PRKCB: variants seen among roughly 807,000 people sequenced by gnomAD.
PRKCB encodes protein kinase C beta type.
PRKCB carries 13 observed loss-of-function variants against 81.5 expected under a neutral mutation model. That is an observed-to-expected ratio of 0.16 (90% CI 0.10 to 0.25). The LOEUF is 0.25. PRKCB is among the 10% of genes least tolerant of loss of function. PRKCB has a pLI of 1.00. For synonymous variants in PRKCB, 335 were observed against 321.4 expected, an observed-to-expected ratio of 1.04 and a Z score of -0.45; for missense variants, 509 against 875.7, an observed-to-expected ratio of 0.58 and a Z score of 5.29.
chr16:23,935,942 T>C (rs1210469381), intron 2 of PRKCB, among the ~76,000 whole-genome samples: 7 of 152,228 alleles, frequency 4.6e-5, no homozygotes, highest in Non-Finnish European at 2.9e-5. Flanking sequence ...TGACGGGATC[T>C]GTACACCAAA....
intron 15 of PRKCB, among the ~76,000 whole-genome samples, chr16:24,186,983 A>G (rs143129459): frequency 2.0e-5 from 3 of 152,184 alleles, no homozygotes; most frequent in African/African-American, 4.8e-5. Context: ...CCAGAGGTGC[A>G]TTAGGAACCC....
intron 3 of PRKCB, among the ~76,000 whole-genome samples, chr16:24,009,199 T>C (rs1253708155): frequency 1.3e-5 from 2 of 152,234 alleles, no homozygotes; most frequent in Non-Finnish European, 2.9e-5. Flanking sequence ...TTCAATTCTT[T>C]TGGGTAAATA....
intron 5 of PRKCB, among the ~76,000 whole-genome samples, chr16:24,087,973 C>T (rs993860869): frequency 1.3e-5 from 2 of 152,202 alleles, no homozygotes; most frequent in Non-Finnish European, 2.9e-5. Context: ...CCAGTGGGGA[C>T]GTTTGCTATT....
chr16:23,924,046 T>A (rs137975122), intron 2 of PRKCB, among the ~76,000 whole-genome samples: 6,200 of 152,130 alleles, frequency 0.041, 229 homozygotes, highest in Admixed American at 0.077. Context: ...CCAAATCTCA[T>A]CTTGAATTGT....
intron 2 of PRKCB, chr16:23,892,896 C>T (rs984933222): frequency 1.3e-5 from 2 of 152,034 alleles, no homozygotes; most frequent in African/African-American, 4.8e-5. Context: ...TCCACGATAC[C>T]ATGTGATTGG....
intron 9 of PRKCB, among the ~76,000 whole-genome samples, chr16:24,128,429 G>T (rs916475158): frequency 2.0e-5 from 3 of 152,340 alleles, no homozygotes; most frequent in Admixed American, 2.0e-4. Flanking sequence ...ACTAGGGAAT[G>T]GCACAAGCCT....
chr16:24,121,014 C>G (rs529194163), intron 8 of PRKCB, among the ~76,000 whole-genome samples: 1 of 152,300 alleles, frequency 6.6e-6, no homozygotes, highest in Non-Finnish European at 1.5e-5. Flanking sequence ...ATACCATAGC[C>G]CTGCTTCAAA....
At chr16:23,852,323 G>T (rs1962486383) in intron 2 of PRKCB, among the ~76,000 whole-genome samples, 1 of 152,144 alleles carries the variant, frequency 6.6e-6, no homozygotes, top group Non-Finnish European at 1.5e-5. Context: ...TTTCATGAAA[G>T]AATGTTAATT....
chr16:23,943,957 T>C lies in PRKCB; in HGVS notation c.206-44551T>C, dbSNP rs887352051. On this transcript the variant is annotated intron_variant, in intron 2 of 16. Transcript: ENST00000643927. ...TGCCTCGCGTGCTCCTGGCATTTTG[T>C]AGAGAGGTAAGGACTTGGTTCCTTA... Among the ~76,000 whole-genome samples the C allele has an allele frequency of 1.3e-5, 2 of 152,212 alleles. 1 individual carries two copies. Among genetic ancestry groups the C allele is most frequent in the Middle Eastern group, 6.3e-3 (2 of 316 alleles).
At chr16:23,964,828 C>A (rs1260447193) in intron 2 of PRKCB, among the ~76,000 whole-genome samples, 1 of 152,076 alleles carries the variant, frequency 6.6e-6, no homozygotes, top group African/African-American at 2.4e-5. Context: ...TGCCCCCTCT[C>A]CCCGCTAATT....
At chr16:24,194,394 C>CAAAAAAAAAAAAAAAAAAAAAAAAAAA (rs1384880007) in intron 16 of PRKCB, among the ~76,000 whole-genome samples, 1 of 151,918 alleles carries the variant, frequency 6.6e-6, no homozygotes, top group African/African-American at 2.4e-5. Flanking sequence ...TTTTATATAT[C>CAAAAAAAAAAAAAAAAAAAAAAAAAAA]AGAACAAATT....
intron 15 of PRKCB, among the ~76,000 whole-genome samples, chr16:24,186,206 G>A (rs1440101557): frequency 6.6e-6 from 1 of 152,146 alleles, no homozygotes; most frequent in Admixed American, 6.5e-5. Context: ...TGCATCTTGT[G>A]TTGGACCAGG....
chr16:24,118,009 AT>A (rs1232012240), intron 8 of PRKCB, among the ~76,000 whole-genome samples: 1 of 152,262 alleles, frequency 6.6e-6, no homozygotes, highest in African/African-American at 2.4e-5. Flanking sequence ...CAGGCAAAGA[AT>A]CACAGGTGTT....
At chr16:24,059,881 G>A (rs776665074) in intron 5 of PRKCB, among the ~76,000 whole-genome samples, 5 of 152,194 alleles carry the variant, frequency 3.3e-5, no homozygotes, top group Non-Finnish European at 7.3e-5. Flanking sequence ...GACTTGGGAA[G>A]TGCTCTTTCA....
At chr16:23,920,531 T>C (rs930798607) in intron 2 of PRKCB, among the ~76,000 whole-genome samples, 4 of 152,242 alleles carry the variant, frequency 2.6e-5, no homozygotes, top group Non-Finnish European at 5.9e-5. Flanking sequence ...TCTTCCTTTT[T>C]TGACACTAAT....
At chr16:24,183,950 A>C (rs936014538) in intron 13 of PRKCB, among the ~76,000 whole-genome samples, 1 of 152,208 alleles carries the variant, frequency 6.6e-6, no homozygotes, top group East Asian at 1.9e-4. Flanking sequence ...CATATATACC[A>C]TATGATACAC....
At chr16:23,894,511 C>T (rs1347397746) in intron 2 of PRKCB, among the ~76,000 whole-genome samples, 1 of 151,980 alleles carries the variant, frequency 6.6e-6, no homozygotes, top group Non-Finnish European at 1.5e-5. Flanking sequence ...TTTAATTTCC[C>T]CCCAGAAAAT....
chr16:24,142,076 C>T (rs1966910011), intron 9 of PRKCB, among the ~76,000 whole-genome samples: 3 of 152,166 alleles, frequency 2.0e-5, no homozygotes, highest in South Asian at 2.1e-4. Context: ...TCACAACAAC[C>T]TTCTGAGGGA....
chr16:24,060,596 CGGCTTCA>C (rs954404465), intron 5 of PRKCB, among the ~76,000 whole-genome samples: 12 of 152,354 alleles, frequency 7.9e-5, no homozygotes, highest in African/African-American at 2.9e-4. Context: ...TGACCACTCA[CGGCTTCA>C]GTATTTCCGT....
Sources: allele counts gnomAD v4.1 joint callset (sites outside exome capture counted in the v4.1 genomes callset), GRCh38; gene constraint gnomAD v4.1.1; transcripts MANE v1.5; gene names NCBI Gene and HGNC (gene_info 2026-07-23, HGNC 2026-07-21).